The following PMEPA1 variants were observed in gnomAD, a reference collection of about 807,000 sequenced individuals.
The protein encoded by PMEPA1 is prostate transmembrane protein, androgen induced 1, also known as protein TMEPAI.
Under a neutral mutation model 23.0 loss-of-function variants are expected in PMEPA1, and 11 were observed. The ratio of observed to expected loss-of-function variants is 0.48; its 90% CI spans 0.30 to 0.79. PMEPA1 has a LOEUF of 0.79. Ranked by LOEUF, PMEPA1 falls within the 30% of genes least tolerant of loss-of-function variation. The pLI is 0.06. For synonymous variants in PMEPA1, 204 were observed against 166.4 expected, an observed-to-expected ratio of 1.23 and a Z score of -1.74; for missense variants, 377 against 390.9, an observed-to-expected ratio of 0.96 and a Z score of 0.30.
rs1343009802 is a variant in PMEPA1, at chr20:57,652,589, A to G, written c.328T>C (p.Tyr110His). The stretch of plus-strand genomic sequence containing the variant: ...CGGTCGGTGGGCCGAGGCGGGGCGT[A>G]GACCTGCGGCTGGAGGAAGCAGAGC... ...SGNGIPEPQV[Y>H]APPRPTDRLA... Residue 110 changes from tyrosine (Y) to histidine (H), a missense_variant, in exon 4 of 4, where the codon TAC becomes CAC. Coordinates refer to ENST00000341744, the MANE Select transcript of PMEPA1 (RefSeq NM_020182.5). The surrounding 1 kb of genome is among the most constrained non-coding windows in gnomAD (Gnocchi z 6.1). 3.4e-6 allele frequency: 5 copies of G among 1,485,192 alleles called. No individual in the cohort carries two copies. In the East Asian group the frequency reaches 1.2e-4, roughly 35 times the overall value. 92.0% of individuals were successfully genotyped at this position (1,485,192 alleles called of 1,614,324 possible).
intron 2 of PMEPA1, among the ~76,000 whole-genome samples, chr20:57,659,242 G>C (rs1295251900): frequency 6.6e-6 from 1 of 152,206 alleles, no homozygotes; most frequent in East Asian, 1.9e-4. Flanking sequence ...CCCAGGCCCT[G>C]CACAGAGCCT....
At position 57,704,785 on chromosome 20, in the gene PMEPA1, T is replaced by G. The variant is rs2072055563; in HGVS notation, c.109+4689A>C. Among the ~76,000 whole-genome samples the G allele has an allele frequency of 6.6e-6, 1 of 152,160 alleles. No individual in the cohort carries two copies. The highest frequency in any genetic ancestry group is 2.4e-5 in the African/African-American group (1 of 41,454). ...GGAGTGGAGATGGTGGGGGCAGGCA[T>G]GTGGGCACACCTGACCCCGTGGCTC... On this transcript the variant is annotated intron_variant, in intron 1 of 3. Coordinates refer to ENST00000341744, the MANE Select transcript of PMEPA1 (RefSeq NM_020182.5). The surrounding 1 kb of genome is among the most constrained non-coding windows in gnomAD (Gnocchi z 4.6).
intron 1 of PMEPA1, among the ~76,000 whole-genome samples, chr20:57,669,142 C>CATTT (rs10523107): frequency 0.29 from 41,869 of 145,402 alleles, 6,881 homozygotes; most frequent in East Asian, 0.36. Context: ...TAAAAAAGCA[C>CATTT]ATTTATTTAT....
At position 57,652,478 on chromosome 20, in the gene PMEPA1, G is replaced by T. The variant is rs1235316883; in HGVS notation, c.439C>A (p.Pro147Thr). ...YPYLQHEIDL[P>T]PTISLSDGEE... ...CCGTCTGACAGCGAGATGGTGGGTG[G>T]CAGGTCGATCTCGTGCTGCAGGTAC... Residue 147 changes from proline to threonine, a missense_variant, in exon 4 of 4, where the codon CCA becomes ACA. By Grantham distance (38) the Pro-to-Thr change is conservative. Transcript: ENST00000341744. The surrounding 1 kb of genome is among the most constrained non-coding windows in gnomAD (Gnocchi z 6.1). The T allele has an allele frequency of 2.5e-6, 4 of 1,608,862 alleles. No individual in the cohort carries two copies. Among genetic ancestry groups the T allele is most frequent in the African/African-American group, 2.7e-5 (2 of 74,844 alleles).
chr20:57,695,254 G>A (rs754140699), intron 1 of PMEPA1, among the ~76,000 whole-genome samples: 10 of 152,258 alleles, frequency 6.6e-5, no homozygotes, highest in East Asian at 5.8e-4. Context: ...GGAGCCCAGC[G>A]GGGCTGGCAA....
chr20:57,702,612 G>A (rs1307626856), intron 1 of PMEPA1, among the ~76,000 whole-genome samples: 1 of 152,208 alleles, frequency 6.6e-6, no homozygotes, highest in Non-Finnish European at 1.5e-5. Context: ...GGAGGTCGGT[G>A]TAGTGGAAAA....
intron 1 of PMEPA1, among the ~76,000 whole-genome samples, chr20:57,706,256 C>G (rs937678290): frequency 2.0e-5 from 3 of 152,224 alleles, no homozygotes; most frequent in Admixed American, 2.0e-4. Flanking sequence ...TCCATCTGGG[C>G]CCCAGAAGTT....
chr20:57,689,202 C>G (rs1357264287), intron 1 of PMEPA1, among the ~76,000 whole-genome samples: 1 of 152,202 alleles, frequency 6.6e-6, no homozygotes, highest in East Asian at 1.9e-4. Flanking sequence ...GGAGGGAGAA[C>G]TGGCCGCCTC....
chr20:57,683,892 A>T lies in PMEPA1; in HGVS notation c.110-24195T>A, dbSNP rs1422250015. 6.6e-6 allele frequency among the ~76,000 whole-genome samples: 1 copy of T among 152,160 alleles called. No homozygotes were observed. The highest frequency in any genetic ancestry group is 2.4e-5 in the African/African-American group (1 of 41,436). ...GGGGCACAATGGGAGTAGCTGCTCA[A>T]CAGACCACTCCTGCCTGTGGGCTGT... On this transcript the variant is annotated intron_variant, in intron 1 of 3. Coordinates refer to ENST00000341744, the MANE Select transcript of PMEPA1 (RefSeq NM_020182.5). The surrounding 1 kb of genome is among the most constrained non-coding windows in gnomAD (Gnocchi z 4.3).
At chr20:57,709,350 G>A (rs1242073701) in intron 1 of PMEPA1, 124 bp downstream of exon 1, 1 of 632,042 alleles carries the variant, frequency 1.6e-6, no homozygotes, top group Non-Finnish European at 2.0e-6. Flanking sequence ...GGCGGGCGCT[G>A]CCCGGGCGCA....
chr20:57,703,832 C>T (rs1311841068), intron 1 of PMEPA1, among the ~76,000 whole-genome samples: 1 of 152,190 alleles, frequency 6.6e-6, no homozygotes, highest in Non-Finnish European at 1.5e-5. Flanking sequence ...CCACCATCAT[C>T]GCTCACCTCT....
intron 1 of PMEPA1, among the ~76,000 whole-genome samples, chr20:57,673,108 T>C (rs1019601895): frequency 2.1e-5 from 3 of 144,812 alleles, no homozygotes; most frequent in Non-Finnish European, 4.6e-5. Flanking sequence ...TCATCACCAA[T>C]TGCCCCTGAC....
In PMEPA1 at chr20:57,683,778, G is replaced by C. The variant is rs2071759908; in HGVS notation, c.110-24081C>G. Among the ~76,000 whole-genome samples the C allele has an allele frequency of 6.6e-6, 1 of 151,832 alleles. No individual in the cohort carries two copies. Among genetic ancestry groups the C allele is most frequent in the Non-Finnish European group, 1.5e-5 (1 of 67,990 alleles). On this transcript the variant is annotated intron_variant, in intron 1 of 3. Coordinates refer to ENST00000341744, the MANE Select transcript of PMEPA1 (RefSeq NM_020182.5). The surrounding 1 kb of genome is among the most constrained non-coding windows in gnomAD (Gnocchi z 4.3). ...GGCTGCCACCAAGAGGGAAGGACTAGAGCCCAGCAGCTCTCAGAGTTCTTG... is the reference window on the plus strand; with the variant it reads ...GGCTGCCACCAAGAGGGAAGGACTACAGCCCAGCAGCTCTCAGAGTTCTTG...
rs1184814436 is a variant in PMEPA1 at position 57,655,770 on chromosome 20, G to A, written c.265-2684C>T. Among the ~76,000 whole-genome samples, 3 of 152,140 alleles carry A rather than the reference G, an allele frequency of 2.0e-5. No individual in the cohort carries two copies. The highest frequency in any genetic ancestry group is 2.0e-4 in the Admixed American group (3 of 15,268). On this transcript the variant is annotated intron_variant, in intron 2 of 3. Transcript: ENST00000341744. The surrounding 1 kb of genome is among the most constrained non-coding windows in gnomAD (Gnocchi z 4.2). ...AAGTGGGCGCACCCAGTCCACCTGC[G>A]CCTTCCCCATTTAGATGCTTCTAGA...
At position 57,657,292 on chromosome 20, in the gene PMEPA1, A is replaced by G. The variant is rs1411206314; in HGVS notation, c.264+2251T>C. Among the ~76,000 whole-genome samples the G allele has an allele frequency of 2.0e-5, 3 of 152,188 alleles. No individual in the cohort carries two copies. The East Asian group carries it at 5.8e-4, about 29-fold the overall frequency. On this transcript the variant is annotated intron_variant, in intron 2 of 3. Transcript: ENST00000341744. ...TCCAGCCTGGAGTTAGTGCCCCTCC[A>G]GGGCTGGTGCCTTCTGGAATGTCCA...
In PMEPA1 at chr20:57,709,958, T is replaced by C; in HGVS notation, c.-376A>G. 1 of 1,001,594 alleles carries C rather than the reference T, an allele frequency of 1.0e-6. No individual in the cohort carries two copies. The highest frequency in any genetic ancestry group is 1.2e-6 in the Non-Finnish European group (1 of 842,952). 62.0% of individuals were successfully genotyped at this position (1,001,594 alleles called of 1,614,324 possible). On this transcript the variant is annotated 5_prime_UTR_variant, in exon 1 of 4. Coordinates refer to ENST00000341744, the MANE Select transcript of PMEPA1 (RefSeq NM_020182.5). The stretch of plus-strand genomic sequence containing the variant: ...CGCCGCCTCCTCCTCCTCATTCAAG[T>C]CCAAGGAGATCGGGTTTCGCTCCGA...
intron 1 of PMEPA1, among the ~76,000 whole-genome samples, chr20:57,685,468 G>A (rs935875897): frequency 6.6e-5 from 10 of 152,214 alleles, no homozygotes; most frequent in African/African-American, 2.2e-4. Context: ...TTTTTACAGC[G>A]CACAGAGACG....
chr20:57,652,655 A>T lies in PMEPA1; in HGVS notation c.319-57T>A. On this transcript the variant is annotated intron_variant, in intron 3 of 3. Coordinates refer to ENST00000341744, the MANE Select transcript of PMEPA1 (RefSeq NM_020182.5). The surrounding 1 kb of genome is among the most constrained non-coding windows in gnomAD (Gnocchi z 6.1). ...CGGCTGTCTCAGGTGGGTTGTCCAG[A>T]AGCGATCCTGAGACTGGAGTTCTGC... 4 of 1,340,126 alleles carry T rather than the reference A, an allele frequency of 3.0e-6. No homozygotes were observed. The highest frequency in any genetic ancestry group is 3.9e-6 in the Non-Finnish European group (4 of 1,013,722). The allele number at this position is 1,340,126 out of a possible 1,614,324, so 83.0% of individuals were successfully genotyped here.
At chr20:57,696,610 C>T (rs2071946055) in intron 1 of PMEPA1, among the ~76,000 whole-genome samples, 1 of 152,246 alleles carries the variant, frequency 6.6e-6, no homozygotes, top group Non-Finnish European at 1.5e-5. Context: ...CGCGACGTCA[C>T]CGGCAAGAAC....
Sources: gnomAD v4.1 joint callset for allele counts (sites outside exome capture counted in the v4.1 genomes callset) on GRCh38, gnomAD v4.1.1 for gene constraint, Gnocchi (gnomAD v3.1) non-coding constraint, MANE v1.5 for transcripts, NCBI Gene and HGNC (gene_info 2026-07-23, HGNC 2026-07-21) for gene names.